The following SND1 variants were observed in gnomAD, a reference collection of about 807,000 sequenced individuals.
The protein encoded by SND1 is staphylococcal nuclease domain-containing protein 1.
Under a neutral mutation model 121.7 loss-of-function variants are expected in SND1, and 38 were observed. The ratio of observed to expected loss-of-function variants is 0.31; its 90% CI spans 0.24 to 0.41. The LOEUF (loss-of-function observed/expected upper bound fraction) is 0.41, where lower values mean the gene tolerates loss of function less well. Among genes scored for constraint, SND1 ranks in the 10% least tolerant of loss-of-function variants. The pLI is 1.00. For synonymous variants in SND1, 401 were observed against 447.4 expected, an observed-to-expected ratio of 0.90 and a Z score of 1.31; for missense variants, 868 against 1,184.6, an observed-to-expected ratio of 0.73 and a Z score of 3.92.
intron 1 of SND1, among the ~76,000 whole-genome samples, chr7:127,669,730 C>G (rs1263340411): frequency 1.3e-5 from 2 of 152,118 alleles, no homozygotes; most frequent in East Asian, 3.8e-4. Flanking sequence ...CCTTCCTGTC[C>G]CCTCCATGTA....
At chr7:128,041,607 C>G (rs1792856271) in intron 16 of SND1, among the ~76,000 whole-genome samples, 1 of 152,238 alleles carries the variant, frequency 6.6e-6, no homozygotes, top group Admixed American at 6.5e-5. Flanking sequence ...CTAGAACTCT[C>G]AGCTCCTCTA....
At chr7:127,900,722 T>C (rs1462716883) in intron 13 of SND1, among the ~76,000 whole-genome samples, 1 of 152,228 alleles carries the variant, frequency 6.6e-6, no homozygotes, top group African/African-American at 2.4e-5. Flanking sequence ...AGCTGTGTTT[T>C]CATCTTTCTG....
Position 127,766,598 on chromosome 7 carries a change from A to G in SND1, c.1153-40886A>G, listed in dbSNP as rs556859303. Among the ~76,000 whole-genome samples, 863 of 151,396 alleles carry G rather than the reference A, an allele frequency of 5.7e-3. 3 individuals are homozygous for G. Among genetic ancestry groups the G allele is most frequent in the Non-Finnish European group, 9.5e-3 (644 of 67,866 alleles). On this transcript the variant is annotated intron_variant, in intron 10 of 23. Coordinates refer to ENST00000354725, the MANE Select transcript of SND1 (RefSeq NM_014390.4). ...AGACCATCCTGGCCAACGTGGTGAA[A>G]CCCCGTCTCTACTAAAAATACAAAA... is the stretch of plus-strand genomic sequence containing the variant.
chr7:128,042,132 A>G (rs1792866242), intron 16 of SND1, among the ~76,000 whole-genome samples: 1 of 151,936 alleles, frequency 6.6e-6, no homozygotes. Context: ...CAGTGAGGCT[A>G]CTCGATTTGT....
chr7:127,692,588 T>A (rs1054134474), intron 2 of SND1: 1 of 152,272 alleles, frequency 6.6e-6, no homozygotes, highest in Non-Finnish European at 1.5e-5. Flanking sequence ...GAGCACTCTC[T>A]TGCCCTCAGA....
chr7:128,081,309 T>A (rs748601576), intron 17 of SND1, 51 bp from the exon 18 acceptor site: 1 of 1,609,498 alleles, frequency 6.2e-7, no homozygotes, highest in East Asian at 2.2e-5. Context: ...CAGTGTCTTT[T>A]ATGACTTCAC....
intron 2 of SND1, chr7:127,687,270 C>T (rs1274045618): frequency 2.0e-5 from 3 of 152,202 alleles, no homozygotes; most frequent in Non-Finnish European, 2.9e-5. Flanking sequence ...TTTCATAAAT[C>T]GTAGCATGCT....
At chr7:127,995,297 A>G (rs568922794) in intron 16 of SND1, among the ~76,000 whole-genome samples, 1 of 152,326 alleles carries the variant, frequency 6.6e-6, no homozygotes, top group African/African-American at 2.4e-5. Context: ...TGTAGCTGTG[A>G]CTATGAGCTG....
intron 15 of SND1, among the ~76,000 whole-genome samples, chr7:127,935,844 A>T (rs1453958891): frequency 6.6e-6 from 1 of 152,222 alleles, no homozygotes; most frequent in Non-Finnish European, 1.5e-5. Context: ...GAAAGTCAAG[A>T]TAATTATTGG....
intron 14 of SND1, among the ~76,000 whole-genome samples, chr7:127,915,720 T>C (rs1348291860): frequency 6.6e-6 from 1 of 152,150 alleles, no homozygotes; most frequent in Non-Finnish European, 1.5e-5. Context: ...TCTGATAAAG[T>C]CCTTGAAGTG....
At chr7:127,927,450 T>C (rs1464203244) in intron 14 of SND1, among the ~76,000 whole-genome samples, 1 of 152,216 alleles carries the variant, frequency 6.6e-6, no homozygotes, top group Non-Finnish European at 1.5e-5. Context: ...CAAGTAGTGC[T>C]TTCTTTCCCA....
At chr7:128,047,787 C>A (rs1393986561) in intron 16 of SND1, among the ~76,000 whole-genome samples, 1 of 152,070 alleles carries the variant, frequency 6.6e-6, no homozygotes, top group Non-Finnish European at 1.5e-5. Flanking sequence ...CCTTGTTTTA[C>A]AGACTAGTGA....
At chr7:127,833,144 A>G (rs1798795299) in intron 11 of SND1, among the ~76,000 whole-genome samples, 1 of 152,032 alleles carries the variant, frequency 6.6e-6, no homozygotes, top group Non-Finnish European at 1.5e-5. Flanking sequence ...AGACTATTTT[A>G]TCTTATATGA....
chr7:127,840,256 G>A (rs2116640263), intron 11 of SND1, among the ~76,000 whole-genome samples: 1 of 152,312 alleles, frequency 6.6e-6, no homozygotes, highest in South Asian at 2.1e-4. Context: ...GAATTCTAGA[G>A]TGAAATGATG....
intron 15 of SND1, among the ~76,000 whole-genome samples, chr7:127,968,896 T>C (rs542906596): frequency 1.3e-5 from 2 of 152,342 alleles, no homozygotes; most frequent in South Asian, 2.1e-4. Flanking sequence ...GGCTTCCTTC[T>C]ATTGTAAACA....
intron 14 of SND1, among the ~76,000 whole-genome samples, chr7:127,927,676 T>C (rs1471573828): frequency 2.0e-5 from 3 of 152,228 alleles, no homozygotes; most frequent in Non-Finnish European, 2.9e-5. Context: ...ATCCGTTTGA[T>C]GGGAAGCATG....
At chr7:127,992,650 CATT>C (rs1396775695) in intron 16 of SND1, among the ~76,000 whole-genome samples, 1 of 152,208 alleles carries the variant, frequency 6.6e-6, no homozygotes, top group Non-Finnish European at 1.5e-5. Context: ...TTCTCACCAT[CATT>C]GTCTTCCTAC....
Position 127,924,540 on chromosome 7 carries a change from T to G in SND1, c.1528-4648T>G, listed in dbSNP as rs193189993. 3.3e-5 allele frequency among the ~76,000 whole-genome samples: 5 copies of G among 152,248 alleles called. No individual in the cohort carries two copies. In the East Asian group the frequency reaches 7.7e-4, roughly 24 times the overall value. Reference sequence around the variant, plus strand: ...AATCATGGGAATCACTTTGCATACATCTAGTGCACACCGACATCCTAAACC... The same window carrying G: ...AATCATGGGAATCACTTTGCATACAGCTAGTGCACACCGACATCCTAAACC... On this transcript the variant is annotated intron_variant, in intron 14 of 23. Coordinates refer to ENST00000354725, the MANE Select transcript of SND1 (RefSeq NM_014390.4).
chr7:127,904,515 T>A, intron 13 of SND1: 1 of 366,102 alleles, frequency 2.7e-6, no homozygotes, highest in East Asian at 4.2e-5. Context: ...ACACTGTTAG[T>A]GGAAACTGGC....
Sources: gnomAD v4.1 joint callset for allele counts (sites outside exome capture counted in the v4.1 genomes callset) on GRCh38, gnomAD v4.1.1 for gene constraint, MANE v1.5 for transcripts, NCBI Gene and HGNC (gene_info 2026-07-23, HGNC 2026-07-21) for gene names.